The following NPNT variants were observed in gnomAD, a reference collection of about 807,000 sequenced individuals.
NPNT encodes preosteoblast EGF-like repeat protein with MAM domain.
NPNT carries 45 observed loss-of-function variants against 68.6 expected under a neutral mutation model. That is an observed-to-expected ratio of 0.66 (90% confidence interval 0.52 to 0.84). NPNT has a LOEUF of 0.84. Ranked by LOEUF, NPNT falls within the 40% of genes least tolerant of loss-of-function variation. NPNT has a pLI of 0.00. For synonymous variants in NPNT, 233 were observed against 253.3 expected, an observed-to-expected ratio of 0.92 and a Z score of 0.76; for missense variants, 672 against 714.8, an observed-to-expected ratio of 0.94 and a Z score of 0.68.
chr4:105,934,120 G>A (rs1031484009), intron 3 of NPNT, among the ~76,000 whole-genome samples: 4 of 152,010 alleles, frequency 2.6e-5, no homozygotes, highest in African/African-American at 9.7e-5. Context: ...ATTTATTTGA[G>A]ACAGTATGAT....
In NPNT at chr4:105,940,109, C is replaced by T. The variant is rs1006996009; in HGVS notation, c.540C>T (p.Cys180=). 89 of 1,612,750 alleles carry T rather than the reference C, an allele frequency of 5.5e-5. 1 individual carries two copies. The highest frequency in any genetic ancestry group is 7.1e-5 in the Non-Finnish European group (84 of 1,178,970). ...VDECATGRAS[C]PRFRQCVNTF... is the part of the protein sequence containing the mutation. Reference sequence around the variant, plus strand: ...AATGTGCTACAGGAAGAGCCTCCTGCCCTAGATTTAGGCAATGTGTCAACA... The same window carrying T: ...AATGTGCTACAGGAAGAGCCTCCTGTCCTAGATTTAGGCAATGTGTCAACA... The change falls in exon 6 of 12, where the codon TGC becomes TGT. Residue 180 remains cysteine, a synonymous_variant. Transcript: ENST00000379987.
chr4:105,927,451 A>C (rs755827882), intron 3 of NPNT, 23 bp downstream of exon 3: 2 of 1,443,304 alleles, frequency 1.4e-6, no homozygotes, highest in Non-Finnish European at 1.9e-6. Context: ...TCTGACATAA[A>C]TACACAATCG....
intron 10 of NPNT, among the ~76,000 whole-genome samples, chr4:105,960,771 T>C (rs1323353936): frequency 6.6e-6 from 1 of 152,038 alleles, no homozygotes; most frequent in Non-Finnish European, 1.5e-5. Context: ...CGTGTGTGTG[T>C]GTGTGTGTGT....
Position 105,942,439 on chromosome 4 carries a change from C to T in NPNT, c.896C>T (p.Thr299Ile). The change falls in exon 8 of 12, where the codon ACA becomes ATA. Residue 299 changes from threonine (T) to isoleucine (I), a missense_variant. Thr to Ile is a moderately conservative substitution (Grantham distance 89, BLOSUM62 -1). Transcript: ENST00000379987. ...GGAAGTACTTGGTGGCCTCCGAAGA[C>T]ACCATATATTCCTCCTATCATTACC... ...DVGSTWWPPK[T>I]PYIPPIITNR... 6.2e-7 allele frequency: 1 copy of T among 1,613,870 alleles called. No individual in the cohort carries two copies. Among genetic ancestry groups the T allele is most frequent in the Non-Finnish European group, 8.5e-7 (1 of 1,179,942 alleles).
Position 105,970,722 on chromosome 4 carries a change from GA to G in NPNT, c.*1733del, listed in dbSNP as rs1313549388. The G allele has an allele frequency of 2.4e-6, 1 of 425,328 alleles. No homozygotes were observed. The highest frequency in any genetic ancestry group is 4.4e-6 in the Non-Finnish European group (1 of 227,408). The allele number at this position is 425,328 out of a possible 1,614,324, so 26.3% of individuals were successfully genotyped here. On this transcript the variant is annotated 3_prime_UTR_variant, in exon 12 of 12. Coordinates refer to ENST00000379987, the MANE Select transcript of NPNT (RefSeq NM_001033047.3). ...AATTTGTCTATTTAAGATGGTTAAA[GA>G]TGTTCTTACCCAAGGAAAAGTAACA...
intron 8 of NPNT, 25 bp from the exon 9 acceptor site, chr4:105,958,444 CAA>C: frequency 6.8e-7 from 1 of 1,461,948 alleles, no homozygotes; most frequent in African/African-American, 1.4e-5. Flanking sequence ...CACACACACA[CAA>C]AAACTCAAAA....
At chr4:105,919,890 C>T (rs1380418364) in intron 2 of NPNT, among the ~76,000 whole-genome samples, 1 of 151,914 alleles carries the variant, frequency 6.6e-6, no homozygotes, top group Non-Finnish European at 1.5e-5. Context: ...TGGGGTAATA[C>T]ATTCACACTG....
chr4:105,942,626 C>A lies in NPNT; in HGVS notation c.1083C>A (p.Ala361=). 1 of 1,614,012 alleles carries A rather than the reference C, an allele frequency of 6.2e-7. No individual in the cohort carries two copies. ...TTGLTTIAPA[A]STPPGGITVD... ...GACTGACAACTATAGCACCAGCTGC[C>A]AGTACACCTCCAGGAGGGATTACAG... is the stretch of plus-strand genomic sequence containing the variant. The change falls in exon 8 of 12, where the codon GCC becomes GCA. Residue 361 remains alanine (A), a synonymous_variant. Coordinates refer to ENST00000379987, the MANE Select transcript of NPNT (RefSeq NM_001033047.3).
At chr4:105,916,248 C>T (rs536835211) in intron 2 of NPNT, among the ~76,000 whole-genome samples, 43 of 150,666 alleles carry the variant, frequency 2.9e-4, no homozygotes, top group African/African-American at 1.0e-3. Flanking sequence ...GAGACATAGT[C>T]TCATTCTGTC....
At chr4:105,932,844 G>A in intron 3 of NPNT, 1 of 570,846 alleles carries the variant, frequency 1.8e-6, no homozygotes, top group South Asian at 2.3e-5. Flanking sequence ...AGCAGGAATT[G>A]CCACCTGGTG....
intron 4 of NPNT, 47 bp from the exon 5 acceptor site, chr4:105,938,254 G>A: frequency 1.3e-6 from 2 of 1,594,988 alleles, no homozygotes; most frequent in Non-Finnish European, 1.7e-6. Flanking sequence ...TTCCATTACA[G>A]ATTTTGTTTT....
At chr4:105,957,117 A>G (rs774569733) in intron 8 of NPNT, among the ~76,000 whole-genome samples, 6 of 152,174 alleles carry the variant, frequency 3.9e-5, no homozygotes, top group Non-Finnish European at 8.8e-5. Context: ...AGTTCTGGCA[A>G]AGAGAAGGGA....
intron 2 of NPNT, chr4:105,912,575 A>T (rs1315981782): frequency 5.0e-6 from 5 of 996,952 alleles, no homozygotes; most frequent in Non-Finnish European, 6.0e-6. Context: ...CCACCAAATG[A>T]AATTACTAAC....
chr4:105,949,405 CG>C (rs1290746110), intron 8 of NPNT, among the ~76,000 whole-genome samples: 2 of 152,106 alleles, frequency 1.3e-5, no homozygotes, highest in African/African-American at 4.8e-5. Flanking sequence ...AGTTAGCTCT[CG>C]TTGCCTGGTT....
At chr4:105,959,393 T>G (rs1474118735) in intron 10 of NPNT, among the ~76,000 whole-genome samples, 1 of 152,218 alleles carries the variant, frequency 6.6e-6, no homozygotes, top group Non-Finnish European at 1.5e-5. Flanking sequence ...ATAAAATATT[T>G]AGATTAATTC....
chr4:105,969,234 C>A lies in NPNT; in HGVS notation c.*244C>A. On this transcript the variant is annotated 3_prime_UTR_variant, in exon 12 of 12. Coordinates refer to ENST00000379987, the MANE Select transcript of NPNT (RefSeq NM_001033047.3). ...AAAGCCATCTGTGGGTGTTGCCTTC[C>A]ATCCTGTGTCTCTTTCAGGAAGGCA... The A allele has an allele frequency of 2.9e-6, 1 of 345,216 alleles. No homozygotes were observed. 21.4% of individuals were successfully genotyped at this position (345,216 alleles called of 1,614,324 possible).
At chr4:105,954,951 C>G (rs1383045406) in intron 8 of NPNT, among the ~76,000 whole-genome samples, 1 of 152,192 alleles carries the variant, frequency 6.6e-6, no homozygotes, top group Admixed American at 6.5e-5. Context: ...ATGCCCAATG[C>G]TTTATAACAA....
intron 7 of NPNT, among the ~76,000 whole-genome samples, chr4:105,941,145 C>A (rs1298716449): frequency 6.6e-6 from 1 of 151,998 alleles, no homozygotes; most frequent in Non-Finnish European, 1.5e-5. Context: ...TCAAGAGCAG[C>A]CTGGGCAACA....
rs146255174 is a variant in NPNT at position 105,942,456 on chromosome 4, A to G, written c.913A>G (p.Ile305Val). The G allele has an allele frequency of 6.8e-6, 11 of 1,613,860 alleles. No homozygotes were observed. Among genetic ancestry groups the G allele is most frequent in the African/African-American group, 2.7e-5 (2 of 74,866 alleles). Residue 305 changes from isoleucine to valine, a missense_variant, in exon 8 of 12, where the codon ATC becomes GTC. Ile to Val is a conservative substitution (Grantham distance 29, BLOSUM62 3). Transcript: ENST00000379987. ...TCCGAAGACACCATATATTCCTCCT[A>G]TCATTACCAACAGGCCTACTTCTAA... ...WPPKTPYIPP[I>V]ITNRPTSKPT...
Sources: allele counts gnomAD v4.1 joint callset (sites outside exome capture counted in the v4.1 genomes callset), GRCh38; gene constraint gnomAD v4.1.1; transcripts MANE v1.5; gene names NCBI Gene and HGNC (gene_info 2026-07-23, HGNC 2026-07-21).